The following GPM6A variants were observed in gnomAD, a reference collection of about 807,000 sequenced individuals.
The protein encoded by GPM6A is neuronal membrane glycoprotein M6-a.
GPM6A carries 7 observed loss-of-function variants against 32.1 expected under a neutral mutation model. The ratio of observed to expected loss-of-function variants is 0.22; its 90% CI spans 0.12 to 0.41. The LOEUF is 0.41. GPM6A is among the 10% of genes least tolerant of loss of function. The probability of loss-of-function intolerance (pLI) is 1.00; values close to 1 mark genes in which losing one functional copy is unlikely to be tolerated. For missense variants in GPM6A, 235 were observed against 347.2 expected (o/e 0.68, Z 2.57); for synonymous variants, 130 against 123.4 (o/e 1.05, Z -0.35).
At chr4:175,732,490 G>T (rs2581744) in intron 1 of GPM6A, among the ~76,000 whole-genome samples, 27,661 of 151,938 alleles carry the variant, frequency 0.18, 3,209 homozygotes, top group East Asian at 0.68. Context: ...CATCATGTTT[G>T]TCATTAAATT....
intron 1 of GPM6A, among the ~76,000 whole-genome samples, chr4:175,741,039 C>T (rs1731868372): frequency 6.6e-6 from 1 of 151,958 alleles, no homozygotes; most frequent in Non-Finnish European, 1.5e-5. Context: ...TTTTCAAGTT[C>T]CTCTGTAGTA....
chr4:175,654,859 G>A (rs918062151), intron 3 of GPM6A, among the ~76,000 whole-genome samples: 15 of 152,086 alleles, frequency 9.9e-5, no homozygotes, highest in Admixed American at 9.8e-4. Context: ...AGGACTAAAA[G>A]CAACTCTAAA....
At chr4:175,692,144 T>C (rs1744333770) in intron 2 of GPM6A, among the ~76,000 whole-genome samples, 1 of 151,960 alleles carries the variant, frequency 6.6e-6, no homozygotes, top group South Asian at 2.1e-4. Flanking sequence ...GTGGTAATTC[T>C]TTTTTGCAGC....
At chr4:175,809,384 CT>C (rs1209947407) in intron 1 of GPM6A, among the ~76,000 whole-genome samples, 1,461 of 145,408 alleles carry the variant, frequency 0.01, 7 homozygotes, top group African/African-American at 0.026. Context: ...TCTTTTTTTC[CT>C]TTTTTTTTTT....
chr4:175,788,527 A>G (rs935008725), intron 1 of GPM6A, among the ~76,000 whole-genome samples: 1 of 152,232 alleles, frequency 6.6e-6, no homozygotes, highest in African/African-American at 2.4e-5. Context: ...CAATCAAAGC[A>G]TCATACAGAT....
chr4:175,711,457 T>TATATATATATATATACAC (rs1303046650), intron 1 of GPM6A, among the ~76,000 whole-genome samples: 1 of 28,016 alleles, frequency 3.6e-5, no homozygotes, highest in African/African-American at 8.4e-5. Flanking sequence ...TATATATATA[T>TATATATATATATATACAC]ACACACACAT....
intron 1 of GPM6A, among the ~76,000 whole-genome samples, chr4:175,936,179 G>A (rs900273680): frequency 2.7e-5 from 4 of 150,450 alleles, no homozygotes; most frequent in East Asian, 2.0e-4. Context: ...GGTGGCGGGC[G>A]CCTGTAGTTC....
intron 1 of GPM6A, among the ~76,000 whole-genome samples, chr4:175,918,217 G>T (rs1373900405): frequency 1.3e-5 from 2 of 152,076 alleles, no homozygotes; most frequent in Admixed American, 1.3e-4. Flanking sequence ...ATAACCATAT[G>T]TGCAAGCTAT....
At chr4:175,669,051 G>A (rs1258059971) in intron 3 of GPM6A, among the ~76,000 whole-genome samples, 1 of 152,126 alleles carries the variant, frequency 6.6e-6, no homozygotes, top group Non-Finnish European at 1.5e-5. Flanking sequence ...CTGAAATGAG[G>A]ATAATTCTAG....
intron 1 of GPM6A, among the ~76,000 whole-genome samples, chr4:175,879,052 G>C (rs920663538): frequency 6.6e-6 from 1 of 152,096 alleles, no homozygotes. Context: ...ACAGTCTTTT[G>C]CTAAAGCATA....
chr4:175,858,531 C>CAA (rs527607150), intron 1 of GPM6A, among the ~76,000 whole-genome samples: 7 of 110,970 alleles, frequency 6.3e-5, no homozygotes, highest in African/African-American at 2.0e-4. Flanking sequence ...AACTCTGTTT[C>CAA]AAAAAAAAAA....
At chr4:175,787,255 T>A in intron 1 of GPM6A, 2 of 787,046 alleles carry the variant, frequency 2.5e-6, no homozygotes, top group Non-Finnish European at 2.2e-6. Context: ...TAATGAGGCA[T>A]GCACTACAGA....
chr4:175,883,964 T>A (rs1196904526), intron 1 of GPM6A, among the ~76,000 whole-genome samples: 1 of 152,236 alleles, frequency 6.6e-6, no homozygotes, highest in Non-Finnish European at 1.5e-5. Context: ...TGAAAATGTA[T>A]AAAATTGATC....
chr4:175,728,732 C>G (rs1731284563), intron 1 of GPM6A, among the ~76,000 whole-genome samples: 1 of 152,180 alleles, frequency 6.6e-6, no homozygotes, highest in African/African-American at 2.4e-5. Flanking sequence ...GGTGCCCTCT[C>G]CCTGTTGCAT....
chr4:175,654,803 C>G (rs558519296), intron 3 of GPM6A, among the ~76,000 whole-genome samples: 2 of 151,456 alleles, frequency 1.3e-5, no homozygotes, highest in East Asian at 3.9e-4. Context: ...TGTATAGTCT[C>G]TAGAACAATA....
intron 2 of GPM6A, among the ~76,000 whole-genome samples, chr4:175,678,149 C>A (rs1284653914): frequency 6.6e-6 from 1 of 152,018 alleles, no homozygotes; most frequent in African/African-American, 2.4e-5. Flanking sequence ...TGACTTCACA[C>A]TGATAAGGCA....
At chr4:175,830,603 C>A (rs1480138793) in intron 1 of GPM6A, among the ~76,000 whole-genome samples, 1 of 152,096 alleles carries the variant, frequency 6.6e-6, no homozygotes, top group Non-Finnish European at 1.5e-5. Context: ...TCATATCACT[C>A]ATAAGTGGCA....
chr4:175,928,337 T>C lies in GPM6A; in HGVS notation c.-23+73972A>G, dbSNP rs189286602. Among the ~76,000 whole-genome samples the C allele has an allele frequency of 2.0e-3, 310 of 152,298 alleles. 2 individuals are homozygous for C. Among genetic ancestry groups the C allele is most frequent in the African/African-American group, 6.9e-3 (285 of 41,552 alleles). ...TTTTAAAGGCATTAGTCTGGAAAAT[T>C]TCCTATGTGGGAAAAGCTTGCTCTA... On this transcript the variant is annotated intron_variant, in intron 1 of 7. Coordinates refer to the GPM6A transcript ENST00000280187.
intron 1 of GPM6A, among the ~76,000 whole-genome samples, chr4:175,750,561 T>C (rs1428029662): frequency 6.6e-6 from 1 of 151,818 alleles, no homozygotes; most frequent in Non-Finnish European, 1.5e-5. Flanking sequence ...AGTTAAGAGT[T>C]GGGTTTTTCT....
Sources: gnomAD v4.1 joint callset for allele counts (sites outside exome capture counted in the v4.1 genomes callset) on GRCh38, gnomAD v4.1.1 for gene constraint, MANE v1.5 for transcripts, NCBI Gene and HGNC (gene_info 2026-07-23, HGNC 2026-07-21) for gene names.